CSMD3: variants seen among roughly 807,000 people sequenced by gnomAD.
CSMD3 encodes CUB and sushi domain-containing protein 3.
Under a neutral mutation model 435.2 loss-of-function variants are expected in CSMD3, and 177 were observed. That is an observed-to-expected ratio of 0.41 (90% CI 0.36 to 0.46). The LOEUF (loss-of-function observed/expected upper bound fraction) is 0.46. Ranked by LOEUF, CSMD3 falls within the 20% of genes least tolerant of loss-of-function variation. The pLI, the probability that CSMD3 is intolerant of heterozygous loss-of-function variation, is 0.34. For synonymous variants in CSMD3, 1,656 were observed against 1,520.5 expected (o/e 1.09, Z -2.07); for missense variants, 4,265 against 4,504.6 (o/e 0.95, Z 1.52).
In CSMD3 at chr8:112,651,568, C is replaced by T. The variant is rs376716830; in HGVS notation, c.3005-1219G>A. On this transcript the variant is annotated intron_variant, in intron 18 of 70. Transcript: ENST00000297405. Reference sequence around the variant, plus strand: ...TTTTTTTTTTTTTTTGACGGAGTCTCGCTTTGTCGCCCAGGCTGGAGTACA... The same window carrying T: ...TTTTTTTTTTTTTTTGACGGAGTCTTGCTTTGTCGCCCAGGCTGGAGTACA... 1.5e-4 allele frequency among the ~76,000 whole-genome samples: 22 copies of T among 148,072 alleles called. No homozygotes were observed. The East Asian group carries it at 2.4e-3, about 16-fold the overall frequency.
At chr8:112,350,892 G>T (rs980491976) in intron 40 of CSMD3, among the ~76,000 whole-genome samples, 4 of 151,874 alleles carry the variant, frequency 2.6e-5, no homozygotes, top group East Asian at 3.9e-4. Flanking sequence ...AACTCTCTAA[G>T]AATTTTTTTA....
intron 3 of CSMD3, among the ~76,000 whole-genome samples, chr8:113,184,971 A>G (rs1407527279): frequency 6.6e-6 from 1 of 152,032 alleles, no homozygotes; most frequent in Non-Finnish European, 1.5e-5. Flanking sequence ...TTTGGAAGGG[A>G]CGTTAGAATC....
intron 1 of CSMD3, among the ~76,000 whole-genome samples, chr8:113,432,807 A>T (rs1319341469): frequency 6.6e-6 from 1 of 152,182 alleles, no homozygotes; most frequent in African/African-American, 2.4e-5. Flanking sequence ...GCCACTGGCC[A>T]TCTGGAGTCC....
In CSMD3 at chr8:112,223,945, G is replaced by A. The variant is rs1034944801; in HGVS notation, c.*826C>T. 6.6e-6 allele frequency: 1 copy of A among 152,126 alleles called. No homozygotes were observed. Among genetic ancestry groups the A allele is most frequent in the Non-Finnish European group, 1.5e-5 (1 of 67,976 alleles). 9.4% of individuals were successfully genotyped at this position (152,126 alleles called of 1,614,324 possible). ...TTTCTGCCAGCCAAATGGTTTTTGG[G>A]TGAGGAAACATACTGAAGCTACTAT... On this transcript the variant is annotated 3_prime_UTR_variant, in exon 71 of 71. Transcript: ENST00000297405.
intron 3 of CSMD3, among the ~76,000 whole-genome samples, chr8:113,202,810 A>G (rs988927888): frequency 6.6e-6 from 1 of 152,146 alleles, no homozygotes; most frequent in African/African-American, 2.4e-5. Context: ...ATACTAACAT[A>G]TAGTATAGGT....
At position 112,518,718 on chromosome 8, in the gene CSMD3, T is replaced by C. The variant is rs1197735468; in HGVS notation, c.4565-1493A>G. ...GGAATGGTTTCTACCCAAACTAAAA[T>C]TGATATATTGTATTAGTCTGTTAAC... On this transcript the variant is annotated intron_variant, in intron 27 of 70. Transcript: ENST00000297405. Among the ~76,000 whole-genome samples, 4 of 151,626 alleles carry C rather than the reference T, an allele frequency of 2.6e-5. No homozygotes were observed. The South Asian group carries it at 8.3e-4, about 32-fold the overall frequency.
intron 3 of CSMD3, among the ~76,000 whole-genome samples, chr8:113,191,182 G>A (rs2092579729): frequency 6.6e-6 from 1 of 151,702 alleles, no homozygotes. Context: ...TAATGCACGT[G>A]GGCATACATG....
At chr8:112,773,850 A>G (rs2078181080) in intron 13 of CSMD3, among the ~76,000 whole-genome samples, 1 of 152,076 alleles carries the variant, frequency 6.6e-6, no homozygotes. Flanking sequence ...CTGCCAAAGT[A>G]GAAAGAATGT....
intron 35 of CSMD3, 91 bp from the exon 36 acceptor site, chr8:112,390,879 A>T (rs1830355620): frequency 1.7e-6 from 2 of 1,178,790 alleles, no homozygotes; most frequent in South Asian, 2.6e-5. Flanking sequence ...TTAGACAGAT[A>T]CTAGACTTGC....
At chr8:112,549,651 A>T (rs1240593360) in intron 27 of CSMD3, among the ~76,000 whole-genome samples, 1 of 152,036 alleles carries the variant, frequency 6.6e-6, no homozygotes, top group African/African-American at 2.4e-5. Context: ...TCAATGTTAC[A>T]TTTATTTATG....
intron 10 of CSMD3, among the ~76,000 whole-genome samples, chr8:112,900,207 C>A (rs143096759): frequency 9.3e-4 from 141 of 151,306 alleles, no homozygotes; most frequent in African/African-American, 3.2e-3. Context: ...AGGCTATTTG[C>A]AAGCTCTTGG....
intron 35 of CSMD3, among the ~76,000 whole-genome samples, chr8:112,398,014 C>T (rs1293635147): frequency 2.0e-5 from 3 of 152,140 alleles, no homozygotes; most frequent in Non-Finnish European, 4.4e-5. Flanking sequence ...GGCTATGAGT[C>T]TGTAAAATCA....
chr8:112,878,423 C>T (rs962999995), intron 10 of CSMD3, among the ~76,000 whole-genome samples: 5 of 152,082 alleles, frequency 3.3e-5, no homozygotes, highest in African/African-American at 1.2e-4. Context: ...ACAACAGATG[C>T]TGGAGAGGAT....
intron 49 of CSMD3, among the ~76,000 whole-genome samples, chr8:112,311,605 A>G (rs746839545): frequency 1.1e-4 from 17 of 152,178 alleles, no homozygotes; most frequent in Non-Finnish European, 2.2e-4. Flanking sequence ...TAGGTCATAC[A>G]TTTCATTTTG....
intron 12 of CSMD3, among the ~76,000 whole-genome samples, chr8:112,810,907 A>G (rs1013773099): frequency 1.3e-5 from 2 of 152,080 alleles, no homozygotes; most frequent in East Asian, 1.9e-4. Flanking sequence ...ATTCAAATAG[A>G]TAATTATTTG....
chr8:113,386,880 C>T (rs970530868), intron 1 of CSMD3, among the ~76,000 whole-genome samples: 30 of 151,618 alleles, frequency 2.0e-4, no homozygotes, highest in African/African-American at 2.9e-4. Flanking sequence ...GTCATTGTGC[C>T]GAAGAAAATA....
chr8:112,512,043 C>G (rs989236755), intron 28 of CSMD3, among the ~76,000 whole-genome samples: 9 of 152,122 alleles, frequency 5.9e-5, no homozygotes, highest in African/African-American at 2.2e-4. Flanking sequence ...CTACTTCTAC[C>G]ACATCTGCAG....
intron 22 of CSMD3, among the ~76,000 whole-genome samples, chr8:112,595,050 G>A (rs1307260567): frequency 1.3e-5 from 2 of 151,920 alleles, no homozygotes; most frequent in Admixed American, 6.6e-5. Flanking sequence ...GAAGGCTTCA[G>A]ATGATCAAAT....
intron 32 of CSMD3, among the ~76,000 whole-genome samples, chr8:112,442,139 G>A (rs1459648457): frequency 6.6e-6 from 1 of 152,208 alleles, no homozygotes; most frequent in Non-Finnish European, 1.5e-5. Context: ...GAAGGAGCAA[G>A]AGAGAGGAGG....
Sources: gnomAD v4.1 joint callset for allele counts (sites outside exome capture counted in the v4.1 genomes callset) on GRCh38, gnomAD v4.1.1 for gene constraint, MANE v1.5 for transcripts, NCBI Gene and HGNC (gene_info 2026-07-23, HGNC 2026-07-21) for gene names.